The following CABP1 variants were observed in gnomAD, a reference collection of about 807,000 sequenced individuals.
The protein encoded by CABP1 is calcium binding protein 1, also known as calcium-binding protein 1.
In CABP1, 17 loss-of-function variants were observed where a neutral mutation model predicts 34.3. The observed-to-expected ratio is 0.50, with a 90% CI of 0.34 to 0.74. CABP1 has a LOEUF of 0.74. Among genes scored for constraint, CABP1 ranks in the 30% least tolerant of loss-of-function variants. The probability of loss-of-function intolerance (pLI) is 0.01; values close to 1 mark genes in which losing one functional copy is unlikely to be tolerated. For missense variants in CABP1, 373 were observed against 511.1 expected (o/e 0.73, Z 2.61); for synonymous variants, 198 against 229.2 (o/e 0.86, Z 1.23).
chr12:120,674,369 A>C, the CABP1 span, among the ~76,000 whole-genome samples: 1 of 152,220 alleles, frequency 6.6e-6, no homozygotes, highest in African/African-American at 2.4e-5. Context: ...GTGACAAGAT[A>C]ATCACAGCTT....
chr12:120,657,584 G>T (rs1044829351), intron 1 of CABP1, among the ~76,000 whole-genome samples: 1 of 152,160 alleles, frequency 6.6e-6, no homozygotes, highest in African/African-American at 2.4e-5. Context: ...GTTGCTGCAC[G>T]TGATCTTCCT....
intron 1 of CABP1, among the ~76,000 whole-genome samples, chr12:120,643,828 C>T (rs1011063403): frequency 6.6e-6 from 1 of 152,256 alleles, no homozygotes; most frequent in East Asian, 1.9e-4. Flanking sequence ...AGGCCTGGCA[C>T]GGAGCCCTTG....
intron 1 of CABP1, among the ~76,000 whole-genome samples, chr12:120,649,826 A>T (rs1396435147): frequency 1.3e-5 from 2 of 152,088 alleles, no homozygotes; most frequent in Admixed American, 6.5e-5. Flanking sequence ...TGACAAGGCA[A>T]GTGTGAAAAA....
At chr12:120,650,287 C>T (rs1879761400) in intron 1 of CABP1, 1 of 331,702 alleles carries the variant, frequency 3.0e-6, no homozygotes, top group South Asian at 4.3e-5. Context: ...GTAGATGATC[C>T]GGCAGCCTTC....
chr12:120,643,721 G>A (rs564143787), intron 1 of CABP1, among the ~76,000 whole-genome samples: 11 of 152,292 alleles, frequency 7.2e-5, no homozygotes, highest in African/African-American at 1.2e-4. Context: ...ATGAGCCACC[G>A]TGCTTGGCCA....
Position 120,666,941 on chromosome 12 carries a change from C to T in CABP1, c.*41C>T, listed in dbSNP as rs750789111. Reference sequence around the variant, plus strand: ...TCCAGGACTGCCAAGCTCCCAAAGGCGGGGCTAAGAGGAGCTAGAGCTTGC... The same window carrying T: ...TCCAGGACTGCCAAGCTCCCAAAGGTGGGGCTAAGAGGAGCTAGAGCTTGC... On this transcript the variant is annotated 3_prime_UTR_variant, in exon 6 of 6. Transcript: ENST00000316803. The T allele has an allele frequency of 6.9e-6, 11 of 1,584,652 alleles. No individual in the cohort carries two copies. Among genetic ancestry groups the T allele is most frequent in the South Asian group, 1.1e-5 (1 of 87,720 alleles).
chr12:120,658,231 C>G (rs1334280168), intron 1 of CABP1, among the ~76,000 whole-genome samples: 2 of 151,772 alleles, frequency 1.3e-5, no homozygotes, highest in African/African-American at 4.8e-5. Context: ...GTAGCTGGGA[C>G]TACAGGCGTG....
chr12:120,679,182 A>G, the CABP1 span, among the ~76,000 whole-genome samples: 1 of 152,186 alleles, frequency 6.6e-6, no homozygotes, highest in African/African-American at 2.4e-5. Flanking sequence ...CCATCCCACA[A>G]ATGAAGAAAC....
chr12:120,663,429 C>G (rs1027185836), intron 5 of CABP1, among the ~76,000 whole-genome samples: 1 of 151,988 alleles, frequency 6.6e-6, no homozygotes, highest in Non-Finnish European at 1.5e-5. Context: ...GGTGCACCAC[C>G]ATGCCTGGCT....
Position 120,660,652 on chromosome 12 carries a change from T to G in CABP1, c.830-79T>G. 1.0e-6 allele frequency: 1 copy of G among 960,402 alleles called. No homozygotes were observed. The highest frequency in any genetic ancestry group is 2.4e-5 in the East Asian group (1 of 41,834). 59.5% of individuals were successfully genotyped at this position (960,402 alleles called of 1,614,324 possible). ...TCTGATGAGCAGGTCAAGGAGGGGT[T>G]GTCCATTCTGTCAGTTGTCTAGTTG... is the stretch of plus-strand genomic sequence containing the variant. On this transcript the variant is annotated intron_variant, in intron 3 of 5. Transcript: ENST00000316803. The surrounding 1 kb of genome is among the most constrained non-coding windows in gnomAD (Gnocchi z 5.0).
At chr12:120,655,564 C>T (rs1374303333) in intron 1 of CABP1, 2 of 1,254,612 alleles carry the variant, frequency 1.6e-6, no homozygotes, top group East Asian at 6.5e-5. Context: ...GCCTGGTCTC[C>T]ATGCTGCCAG....
At chr12:120,676,082 AT>A in the CABP1 span, among the ~76,000 whole-genome samples, 3 of 152,238 alleles carry the variant, frequency 2.0e-5, no homozygotes, top group Non-Finnish European at 4.4e-5. Context: ...ATCTCAAAAA[AT>A]AAAAAACAGC....
In CABP1 at chr12:120,661,308, T is replaced by A; in HGVS notation, c.1087+90T>A. 6.8e-7 allele frequency: 1 copy of A among 1,476,766 alleles called. No individual in the cohort carries two copies. Among genetic ancestry groups the A allele is most frequent in the Admixed American group, 2.1e-5 (1 of 48,256 alleles). The allele number at this position is 1,476,766 out of a possible 1,614,324, so 91.5% of individuals were successfully genotyped here. On this transcript the variant is annotated intron_variant, in intron 5 of 5. Coordinates refer to ENST00000316803, the MANE Select transcript of CABP1 (RefSeq NM_001033677.2). The surrounding 1 kb of genome is among the most constrained non-coding windows in gnomAD (Gnocchi z 5.1). ...TGTGTATCCATCATGCAACCATCAATCCGCCCTAATTTTCCAACCCCCAGC... is the reference window on the plus strand; with the variant it reads ...TGTGTATCCATCATGCAACCATCAAACCGCCCTAATTTTCCAACCCCCAGC...
At chr12:120,666,694 C>T (rs1277100177) in intron 5 of CABP1, among the ~76,000 whole-genome samples, 181 bp from the exon 6 acceptor site, 4 of 152,096 alleles carry the variant, frequency 2.6e-5, no homozygotes. Flanking sequence ...GTTTACGCAG[C>T]GGTCAGATCC....
At chr12:120,664,413 C>T (rs754470424) in intron 5 of CABP1, among the ~76,000 whole-genome samples, 11 of 152,256 alleles carry the variant, frequency 7.2e-5, no homozygotes, top group Admixed American at 2.6e-4. Context: ...CAGGTATTTA[C>T]CCAAATGAGT....
chr12:120,680,494 A>T, the CABP1 span, among the ~76,000 whole-genome samples: 2 of 152,176 alleles, frequency 1.3e-5, no homozygotes, highest in African/African-American at 4.8e-5. Flanking sequence ...CAGCTGAAAG[A>T]GGTGGGAATG....
At chr12:120,646,741 G>A (rs920246161) in intron 1 of CABP1, among the ~76,000 whole-genome samples, 1 of 152,138 alleles carries the variant, frequency 6.6e-6, no homozygotes, top group Non-Finnish European at 1.5e-5. Context: ...TTGAACTCCT[G>A]GCCTCAACTG....
intron 1 of CABP1, chr12:120,655,877 C>A: frequency 1.3e-6 from 2 of 1,536,174 alleles, no homozygotes; most frequent in Non-Finnish European, 1.7e-6. Context: ...GAGGGCATCA[C>A]ATTCAGCTCT....
At chr12:120,653,833 C>T (rs574182557) in intron 1 of CABP1, among the ~76,000 whole-genome samples, 9 of 152,306 alleles carry the variant, frequency 5.9e-5, no homozygotes, top group Non-Finnish European at 1.0e-4. Context: ...ACGCCCGGCC[C>T]GCCTCTTGGA....
Sources: gnomAD v4.1 joint callset for allele counts (sites outside exome capture counted in the v4.1 genomes callset) on GRCh38, gnomAD v4.1.1 for gene constraint, Gnocchi (gnomAD v3.1) non-coding constraint, MANE v1.5 for transcripts, NCBI Gene and HGNC (gene_info 2026-07-23, HGNC 2026-07-21) for gene names.